FRMD3: variants seen among roughly 807,000 people sequenced by gnomAD.
The protein encoded by FRMD3 is FERM domain-containing protein 3.
Under a neutral mutation model 70.2 loss-of-function variants are expected in FRMD3, and 33 were observed. The ratio of observed to expected loss-of-function variants is 0.47; its 90% CI spans 0.36 to 0.63. The LOEUF (loss-of-function observed/expected upper bound fraction) is 0.63. Ranked by LOEUF, FRMD3 falls within the 20% of genes least tolerant of loss-of-function variation. The pLI, the probability that FRMD3 is intolerant of heterozygous loss-of-function variation, is 0.00. For missense variants in FRMD3, 632 were observed against 711.4 expected (o/e 0.89, Z 1.27); for synonymous variants, 279 against 255.9 (o/e 1.09, Z -0.86).
At chr9:83,536,930 T>TAAAAAAAAAAAGAA (rs1829905510) in intron 1 of FRMD3, among the ~76,000 whole-genome samples, 1 of 60,894 alleles carries the variant, frequency 1.6e-5, no homozygotes, top group Non-Finnish European at 3.2e-5. Context: ...TGTATTACAC[T>TAAAAAAAAAAAGAA]AAAAAAAAAA....
chr9:83,409,191 A>G (rs10115207), intron 1 of FRMD3, among the ~76,000 whole-genome samples: 87,745 of 151,988 alleles, frequency 0.58, 26,630 homozygotes, highest in African/African-American at 0.78. Context: ...CAGAAGGCTC[A>G]TGAAGATGTT....
intron 1 of FRMD3, among the ~76,000 whole-genome samples, chr9:83,405,719 G>A (rs1826081235): frequency 6.6e-6 from 1 of 151,184 alleles, no homozygotes; most frequent in Non-Finnish European, 1.5e-5. Flanking sequence ...CCAAGATCGC[G>A]CCATTGCACT....
the FRMD3 span, among the ~76,000 whole-genome samples, chr9:83,567,271 G>GGCACCAAGTCCCTAGGCT: frequency 6.6e-6 from 1 of 152,178 alleles, no homozygotes; most frequent in African/African-American, 2.4e-5. Flanking sequence ...TGGGACACAG[G>GGCACCAAGTCCCTAGGCT]GCACCAAGTC....
At chr9:83,493,002 T>A (rs1386026748) in intron 1 of FRMD3, among the ~76,000 whole-genome samples, 2 of 152,166 alleles carry the variant, frequency 1.3e-5, no homozygotes, top group Non-Finnish European at 2.9e-5. Context: ...CTCTTGCAGA[T>A]GCCTCCAGCT....
chr9:83,432,136 A>T (rs1826999829), intron 1 of FRMD3, among the ~76,000 whole-genome samples: 1 of 152,166 alleles, frequency 6.6e-6, no homozygotes, highest in Admixed American at 6.5e-5. Flanking sequence ...CAATGGACTT[A>T]AAACACGGCA....
chr9:83,572,244 A>C, the FRMD3 span, among the ~76,000 whole-genome samples: 1 of 152,094 alleles, frequency 6.6e-6, no homozygotes, highest in Non-Finnish European at 1.5e-5. Flanking sequence ...AGTCAAGTAA[A>C]GAGGAAAAGA....
At chr9:83,269,252 A>G (rs1028540143) in intron 13 of FRMD3, among the ~76,000 whole-genome samples, 1 of 152,242 alleles carries the variant, frequency 6.6e-6, no homozygotes, top group African/African-American at 2.4e-5. Flanking sequence ...TCATGTTAAA[A>G]CAACATATGA....
chr9:83,472,037 C>T (rs964510333), intron 1 of FRMD3, among the ~76,000 whole-genome samples: 1 of 152,158 alleles, frequency 6.6e-6, no homozygotes, highest in African/African-American at 2.4e-5. Flanking sequence ...GCAAGGGCCT[C>T]GTGAACATTC....
At chr9:83,335,386 G>A in intron 6 of FRMD3, 130 bp downstream of exon 6, 1 of 898,374 alleles carries the variant, frequency 1.1e-6, no homozygotes. Context: ...CAGAAAAATT[G>A]CGCTGCCACG....
At chr9:83,351,182 G>T (rs575904373) in intron 3 of FRMD3, among the ~76,000 whole-genome samples, 16 of 152,178 alleles carry the variant, frequency 1.1e-4, no homozygotes, top group Admixed American at 3.9e-4. Flanking sequence ...CATAAGAAGA[G>T]CCACAGGGTT....
chr9:83,509,098 C>T (rs1453592077), intron 1 of FRMD3, among the ~76,000 whole-genome samples: 4 of 147,130 alleles, frequency 2.7e-5, no homozygotes, highest in Non-Finnish European at 3.0e-5. Context: ...TGCCTCCCTT[C>T]AGGAGAATGT....
chr9:83,376,933 C>T lies in FRMD3; in HGVS notation c.253-3978G>A, dbSNP rs79297167. The stretch of plus-strand genomic sequence containing the variant: ...CAATATGATCCTAGGGGTGCCCAAC[C>T]GGCACCCGTTATTAAGAAATTGTGG... On this transcript the variant is annotated intron_variant, in intron 2 of 13. Transcript: ENST00000304195. Among the ~76,000 whole-genome samples, 109 of 147,460 alleles carry T rather than the reference C, an allele frequency of 7.4e-4. No homozygotes were observed. The Middle Eastern group carries it at 0.017, about 24-fold the overall frequency.
At chr9:83,344,852 T>TGTGTGTGC (rs1823901269) in intron 4 of FRMD3, among the ~76,000 whole-genome samples, 1 of 151,986 alleles carries the variant, frequency 6.6e-6, no homozygotes, top group African/African-American at 2.4e-5. Context: ...TGTGTGTGTG[T>TGTGTGTGC]GTGTGTAGCC....
chr9:83,371,855 A>G (rs1358077671), intron 3 of FRMD3, among the ~76,000 whole-genome samples: 1 of 152,190 alleles, frequency 6.6e-6, no homozygotes, highest in Admixed American at 6.5e-5. Flanking sequence ...GAGGAATGGG[A>G]AGGGAGGAAG....
intron 1 of FRMD3, among the ~76,000 whole-genome samples, chr9:83,471,178 C>G (rs531229498): frequency 6.6e-6 from 1 of 152,210 alleles, no homozygotes; most frequent in Non-Finnish European, 1.5e-5. Flanking sequence ...ACACTCAGAA[C>G]AGATTTGACA....
downstream of FRMD3, chr9:83,243,047 CTA>C: frequency 2.8e-6 from 2 of 704,090 alleles, no homozygotes; most frequent in South Asian, 3.4e-5. Flanking sequence ...GATCTGAGGC[CTA>C]AGCAAGGTTC....
chr9:83,425,631 C>T lies in FRMD3; in HGVS notation c.148-35923G>A, dbSNP rs933145482. On this transcript the variant is annotated intron_variant, in intron 1 of 13. Transcript: ENST00000304195. ...TAGAAAGACCTTCCTATGGGCCGGGCGCAGTGGCTCACACCTGCAATCCCC... is the reference window on the plus strand; with the variant it reads ...TAGAAAGACCTTCCTATGGGCCGGGTGCAGTGGCTCACACCTGCAATCCCC... 5.9e-5 allele frequency among the ~76,000 whole-genome samples: 9 copies of T among 152,102 alleles called. 1 individual carries two copies. The South Asian group carries it at 6.2e-4, about 11-fold the overall frequency.
chr9:83,449,529 A>G (rs1827579619), intron 1 of FRMD3, among the ~76,000 whole-genome samples: 1 of 152,178 alleles, frequency 6.6e-6, no homozygotes, highest in South Asian at 2.1e-4. Flanking sequence ...CAGAAATCAC[A>G]GTGAGGTTTC....
chr9:83,567,051 C>T, the FRMD3 span, among the ~76,000 whole-genome samples: 1 of 152,242 alleles, frequency 6.6e-6, no homozygotes, highest in African/African-American at 2.4e-5. Flanking sequence ...TCCATGAGGG[C>T]CCTGCCCCTG....
Sources: allele counts gnomAD v4.1 joint callset (sites outside exome capture counted in the v4.1 genomes callset), GRCh38; gene constraint gnomAD v4.1.1; transcripts MANE v1.5; gene names NCBI Gene and HGNC (gene_info 2026-07-23, HGNC 2026-07-21).